MACF1: variants seen among roughly 807,000 people sequenced by gnomAD.
The protein encoded by MACF1 is microtubule-actin cross-linking factor 1.
Under a neutral mutation model 854.8 loss-of-function variants are expected in MACF1, and 193 were observed. That is an observed-to-expected ratio of 0.23 (90% CI 0.20 to 0.25). MACF1 has a LOEUF of 0.25. MACF1 is among the 10% of genes least tolerant of loss of function. The pLI is 1.00. For missense variants in MACF1, 7,722 were observed against 8,929.1 expected, an observed-to-expected ratio of 0.86 and a Z score of 5.45; for synonymous variants, 3,185 against 3,226.7, an observed-to-expected ratio of 0.99 and a Z score of 0.44.
intron 36 of MACF1, among the ~76,000 whole-genome samples, chr1:39,327,625 G>A (rs532494840): frequency 2.6e-5 from 4 of 152,286 alleles, no homozygotes; most frequent in South Asian, 4.1e-4. Context: ...CAGCAGTCTA[G>A]GAGAACATAA....
chr1:39,153,205 A>G (rs1461670607), intron 2 of MACF1, among the ~76,000 whole-genome samples: 1 of 151,940 alleles, frequency 6.6e-6, no homozygotes, highest in African/African-American at 2.4e-5. Flanking sequence ...GTGGAAGGTG[A>G]CTCTTACCTC....
intron 23 of MACF1, chr1:39,304,228 T>C (rs1646120528): frequency 3.7e-6 from 1 of 268,562 alleles, no homozygotes; most frequent in Non-Finnish European, 7.5e-6. Context: ...TTCCCCTTCC[T>C]GTGTCCAAGT....
chr1:39,204,901 C>G lies in MACF1; in HGVS notation c.-122C>G, dbSNP rs1385004536. On this transcript the variant is annotated 5_prime_UTR_variant, in exon 1 of 101. Transcript: ENST00000564288. The stretch of plus-strand genomic sequence containing the variant: ...AGCTGCCAGGAAGTTTCTGACAACA[C>G]TAAGCTCCGGCCTCTGCCTCTGCTG... The G allele has an allele frequency of 6.4e-6, 4 of 627,448 alleles. No homozygotes were observed. The highest frequency in any genetic ancestry group is 5.3e-5 in the Admixed American group (2 of 37,882). 38.9% of individuals were successfully genotyped at this position (627,448 alleles called of 1,614,324 possible). A position where few individuals can be genotyped will look rare whatever the true frequency, so the allele number is the denominator to read the frequency against.
At chr1:39,101,951 C>A (rs1018812311) in intron 2 of MACF1, among the ~76,000 whole-genome samples, 1 of 149,800 alleles carries the variant, frequency 6.7e-6, no homozygotes, top group Non-Finnish European at 1.5e-5. Context: ...CCGATGCGGG[C>A]GGATCACGAG....
intron 26 of MACF1, among the ~76,000 whole-genome samples, chr1:39,313,401 T>A (rs1383418532): frequency 6.6e-6 from 1 of 152,228 alleles, no homozygotes; most frequent in Non-Finnish European, 1.5e-5. Flanking sequence ...TTGTTAATTC[T>A]TGACTGAATC....
chr1:39,459,374 C>G (rs2124037764), intron 91 of MACF1, 125 bp downstream of exon 91: 1 of 1,017,082 alleles, frequency 9.8e-7, no homozygotes, highest in Non-Finnish European at 1.4e-6. Flanking sequence ...AGAAACAGAC[C>G]TATACCAAGC....
chr1:39,477,075 A>ACACTTAGTG lies in MACF1; in HGVS notation c.21959-2723_21959-2722insCACTTAGTG, dbSNP rs1331285017. 3.8e-3 allele frequency among the ~76,000 whole-genome samples: 193 copies of ACACTTAGTG among 51,294 alleles called. 7 individuals are homozygous for ACACTTAGTG. Among genetic ancestry groups the ACACTTAGTG allele is most frequent in the East Asian group, 0.012 (18 of 1,518 alleles). The allele number at this position is 51,294 out of a possible 152,430, so 33.7% of individuals were successfully genotyped here. On this transcript the variant is annotated intron_variant, in intron 97 of 100. Coordinates refer to ENST00000564288, the MANE Select transcript of MACF1 (RefSeq NM_001394062.1). ...TATATATATATATATATATATATAT[A>ACACTTAGTG]TATATATATATATATACACACACAC...
intron 1 of MACF1, among the ~76,000 whole-genome samples, chr1:39,228,891 TG>T (rs1303845595): frequency 1.1e-4 from 16 of 152,206 alleles, no homozygotes; most frequent in Non-Finnish European, 1.9e-4. Context: ...CCACTTCAGC[TG>T]ATCTGCCCAC....
At position 39,370,114 on chromosome 1, in the gene MACF1, T is replaced by C. The variant is rs1649098661; in HGVS notation, c.13023T>C (p.Thr4341=). 6.2e-7 allele frequency: 1 copy of C among 1,613,978 alleles called. No homozygotes were observed. The highest frequency in any genetic ancestry group is 1.7e-5 in the Admixed American group (1 of 60,006). ...VRTFQKWLKE[T]EGSIPPTETS... ...CCTTCCAGAAATGGTTGAAAGAAAC[T>C]GAAGGGAGTATTCCACCTACGGAAA... Residue 4341 remains threonine (T), a synonymous_variant, in exon 51 of 101, where the codon ACT becomes ACC. Coordinates refer to ENST00000564288, the MANE Select transcript of MACF1 (RefSeq NM_001394062.1).
chr1:39,399,221 C>CTCCA (rs1461778925), intron 58 of MACF1, among the ~76,000 whole-genome samples: 2 of 152,134 alleles, frequency 1.3e-5, no homozygotes, highest in Admixed American at 6.5e-5. Context: ...ATTTCTGTGT[C>CTCCA]TCCAGTCTTG....
At position 39,444,667 on chromosome 1, in the gene MACF1, C is replaced by T. The variant is rs753035098; in HGVS notation, c.19437C>T (p.Leu6479=). ...AREQLDTHME[L]YSQLKAKEET... The stretch of plus-strand genomic sequence containing the variant: ...TTTCCTGCCTTTTCTTGTAGGAACT[C>T]TATTCCCAGCTGAAAGCCAAGGAAG... The change falls in exon 80 of 101, where the codon CTC becomes CTT. Residue 6479 remains leucine (L), a synonymous_variant. Coordinates refer to ENST00000564288, the MANE Select transcript of MACF1 (RefSeq NM_001394062.1). 1 of 1,609,520 alleles carries T rather than the reference C, an allele frequency of 6.2e-7. No individual in the cohort carries two copies.
At position 39,105,689 on chromosome 1, in the gene MACF1, G is replaced by A; in HGVS notation, c.220+21251G>A. On this transcript the variant is annotated intron_variant, in intron 2 of 93. Transcript: ENST00000361689. This position sits in a 1 kb window ranked among gnomAD's most constrained non-coding sequence, Gnocchi z 5.9. ...GCCAGGAGAAGGAGTTCGTGCAGGC[G>A]TACGAGGATGTGCTGGAGCGGTACA... is the stretch of plus-strand genomic sequence containing the variant. The A allele has an allele frequency of 8.1e-7, 1 of 1,231,742 alleles. No individual in the cohort carries two copies. The highest frequency in any genetic ancestry group is 1.3e-5 in the South Asian group (1 of 74,912). The allele number at this position is 1,231,742 out of a possible 1,614,324, so 76.3% of individuals were successfully genotyped here.
chr1:39,313,793 T>A (rs903698994), intron 26 of MACF1, among the ~76,000 whole-genome samples: 2 of 152,158 alleles, frequency 1.3e-5, no homozygotes, highest in Non-Finnish European at 2.9e-5. Flanking sequence ...CTCTTTTTTT[T>A]AAATAGAGAT....
In MACF1 at chr1:39,475,836, C is replaced by G. The variant is rs116195355; in HGVS notation, c.21959-3962C>G. 1.1e-4 allele frequency among the ~76,000 whole-genome samples: 17 copies of G among 152,208 alleles called. No homozygotes were observed. In the East Asian group the frequency reaches 3.3e-3, roughly 29 times the overall value. ...GTGACTATAATGGTAGCACTGAAGCCTCAGTGGATGAGCTCATCACCAGGT... is the reference window on the plus strand; with the variant it reads ...GTGACTATAATGGTAGCACTGAAGCGTCAGTGGATGAGCTCATCACCAGGT... On this transcript the variant is annotated intron_variant, in intron 97 of 100. Coordinates refer to ENST00000564288, the MANE Select transcript of MACF1 (RefSeq NM_001394062.1).
rs1646743133 is a variant in MACF1 at position 39,332,389 on chromosome 1, C to G, written c.5801C>G (p.Ser1934Cys). 1 of 1,613,962 alleles carries G rather than the reference C, an allele frequency of 6.2e-7. No homozygotes were observed. The highest frequency in any genetic ancestry group is 1.3e-5 in the African/African-American group (1 of 74,908). The change falls in exon 37 of 101, where the codon TCT becomes TGT. Residue 1934 changes from serine (S) to cysteine (C), a missense_variant. Physicochemically the swap from Ser to Cys is moderately radical, Grantham distance 112. Coordinates refer to ENST00000564288, the MANE Select transcript of MACF1 (RefSeq NM_001394062.1). ...ATGCCCCACATGCAACTAGCAGACT[C>G]TGCAGAACAAAATATTAATCCTGGA... ...DVMPHMQLAD[S>C]AEQNINPGAA...
intron 74 of MACF1, among the ~76,000 whole-genome samples, chr1:39,441,602 C>T (rs1347983879): frequency 6.6e-6 from 1 of 152,190 alleles, no homozygotes; most frequent in Non-Finnish European, 1.5e-5. Flanking sequence ...AAAGTCATTG[C>T]TTGCCAGAGG....
chr1:39,336,505 C>A lies in MACF1; in HGVS notation c.9917C>A (p.Ser3306Tyr). 1 of 1,614,126 alleles carries A rather than the reference C, an allele frequency of 6.2e-7. No individual in the cohort carries two copies. Among genetic ancestry groups the A allele is most frequent in the Non-Finnish European group, 8.5e-7 (1 of 1,180,012 alleles). Residue 3306 changes from serine (S) to tyrosine (Y), a missense_variant, in exon 37 of 101, where the codon TCC (serine) becomes TAC (tyrosine). By Grantham distance (144) the Ser-to-Tyr change is moderately radical (BLOSUM62 -2). Coordinates refer to ENST00000564288, the MANE Select transcript of MACF1 (RefSeq NM_001394062.1). ...VLETSEEKTV[S>Y]LTVCSAVKTE... ...GAGACCAGTGAAGAAAAGACAGTGT[C>A]CCTAACAGTATGCTCTGCAGTGAAG...
At chr1:39,109,656 TTGATTTA>T (rs1316510094) in intron 2 of MACF1, among the ~76,000 whole-genome samples, 1 of 152,150 alleles carries the variant, frequency 6.6e-6, no homozygotes, top group Non-Finnish European at 1.5e-5. Context: ...TAGAAAAACG[TTGATTTA>T]TATCTTATTT....
rs978821007 is a variant in MACF1, at chr1:39,156,938, G to T, written c.220+72500G>T. Among the ~76,000 whole-genome samples, 83 of 151,190 alleles carry T rather than the reference G, an allele frequency of 5.5e-4. 1 individual carries two copies. Among genetic ancestry groups the T allele is most frequent in the African/African-American group, 2.0e-3 (83 of 41,224 alleles). On this transcript the variant is annotated intron_variant, in intron 2 of 93. Transcript: ENST00000361689. ...AGCATTGGAAGGCACAAAAGCTTGG[G>T]TTGGTTATTACTTTCCCTTTCCATT...
Sources: allele counts gnomAD v4.1 joint callset (sites outside exome capture counted in the v4.1 genomes callset), GRCh38; gene constraint gnomAD v4.1.1; non-coding constraint Gnocchi (gnomAD v3.1); transcripts MANE v1.5; gene names NCBI Gene and HGNC (gene_info 2026-07-23, HGNC 2026-07-21).